NACA: variants seen among roughly 807,000 people sequenced by gnomAD.
NACA encodes the protein nascent polypeptide associated complex subunit alpha.
A neutral mutation model predicts 86.4 loss-of-function variants in NACA; 42 were observed. That is an observed-to-expected ratio of 0.49 (90% CI 0.38 to 0.63). The LOEUF is 0.63. Among genes scored for constraint, NACA ranks in the 20% least tolerant of loss-of-function variants. The pLI is 0.00. For synonymous variants in NACA, 898 were observed against 973.7 expected (o/e 0.92, Z 1.45); for missense variants, 2,157 against 2,483.6 (o/e 0.87, Z 2.80).
In NACA at chr12:56,716,099, G is replaced by A; in HGVS notation, c.5431C>T (p.Pro1811Ser). 1 of 1,613,458 alleles carries A rather than the reference G, an allele frequency of 6.2e-7. No homozygotes were observed. Among genetic ancestry groups the A allele is most frequent in the South Asian group, 1.1e-5 (1 of 91,058 alleles). The change falls in exon 3 of 9, where the codon CCT becomes TCT. Residue 1811 changes from proline (P) to serine (S), a missense_variant. Pro to Ser is a moderately conservative substitution (Grantham distance 74). Around this residue, in one of 8 missense-constraint regions of NACA, gnomAD observed 797 missense variants for 777.6 expected, o/e 1.02. Transcript: ENST00000454682. ...PLAPSPVPTL[P>S]PKQQFLPSSP... ...GACGGCAGAAATTGCTGTTTAGGAG[G>A]CAGAGTGGGAACTGGGGAGGGAGCA...
chr12:56,716,889 G>A lies in NACA; in HGVS notation c.4641C>T (p.Ala1547=), dbSNP rs778097307. ...GAACAGTCATAGCTGGGGGAATGAG[G>A]GCCTCTTTGGGGGCTAGAGTTGCTG... ...KTPATLAPKE[A]LIPPAMTVPS... is the part of the protein sequence containing the mutation. Residue 1547 remains alanine (A), a synonymous_variant, in exon 3 of 9, where the codon GCC becomes GCT. Transcript: ENST00000454682. 4.6e-6 allele frequency: 6 copies of A among 1,299,966 alleles called. No homozygotes were observed. In the African/African-American group the frequency reaches 6.1e-5, roughly 13 times the overall value. 80.5% of individuals were successfully genotyped at this position (1,299,966 alleles called of 1,614,324 possible). A position where few individuals can be genotyped will look rare whatever the true frequency, so the allele number is the denominator to read the frequency against.
Position 56,716,046 on chromosome 12 carries a change from G to A in NACA, c.5484C>T (p.Pro1828=), listed in dbSNP as rs138803259. The A allele has an allele frequency of 1.9e-6, 3 of 1,610,456 alleles. No homozygotes were observed. Among genetic ancestry groups the A allele is most frequent in the African/African-American group, 1.3e-5 (1 of 74,874 alleles). ...PSSPGLVLES[P]SKPLAPADED... is the part of the protein sequence containing the mutation. ...CATCAGCAGGGGCAAGGGGTTTAGA[G>A]GGTGATTCCAACACCAGCCCAGGAG... Residue 1828 remains proline (P), a synonymous_variant, in exon 3 of 9, where the codon CCC becomes CCT. Coordinates refer to ENST00000454682, the MANE Select transcript of NACA (RefSeq NM_001365896.1).
In NACA at chr12:56,721,155, T is replaced by C. The variant is rs1953564560; in HGVS notation, c.375A>G (p.Pro125=). The change falls in exon 3 of 9, where the codon CCA becomes CCG. Residue 125 remains proline (P), a synonymous_variant. Coordinates refer to ENST00000454682, the MANE Select transcript of NACA (RefSeq NM_001365896.1). The part of the protein sequence containing the change: ...ALALASPMIA[P]TLKGTPSSSA... ...AAGAGGAAGGGGTCCCTTTCAGAGT[T>C]GGAGCTATCATGGGAGAGGCTAGAG... The C allele has an allele frequency of 6.2e-7, 1 of 1,613,832 alleles. No homozygotes were observed. Among genetic ancestry groups the C allele is most frequent in the East Asian group, 2.2e-5 (1 of 44,870 alleles).
rs755839505 is a variant in NACA, at chr12:56,718,813, T to C, written c.2717A>G (p.Lys906Arg). The change falls in exon 3 of 9, where the codon AAA becomes AGA. Residue 906 changes from lysine to arginine, a missense_variant. Lys to Arg is a conservative substitution (Grantham distance 26, BLOSUM62 2). This residue lies in a region of NACA where 174 missense variants were observed against 217.0 expected (regional missense o/e 0.80). Transcript: ENST00000454682. Reference protein sequence around the residue: ...PKEGPATPAPKQAPALSMTSS... With the variant: ...PKEGPATPAPRQAPALSMTSS... The stretch of plus-strand genomic sequence containing the variant: ...AGTCATGGATAGAGCAGGAGCCTGT[T>C]TGGGTGCTGGAGTAGCTGGACCCTC... The C allele has an allele frequency of 6.9e-7, 1 of 1,443,242 alleles. No homozygotes were observed. The highest frequency in any genetic ancestry group is 1.1e-5 in the South Asian group (1 of 88,536). The allele number at this position is 1,443,242 out of a possible 1,614,324, so 89.4% of individuals were successfully genotyped here.
Position 56,720,170 on chromosome 12 carries a change from T to G in NACA, c.1360A>C (p.Thr454Pro). ...TNPCTIAAAPTTTFEVATCVS... is the reference protein window; with the variant it reads ...TNPCTIAAAPPTTFEVATCVS... ...CAAGTAGCTACCTCAAAGGTAGTAG[T>G]AGGTGCTGCAGCAATTGTACAGGGG... The change falls in exon 3 of 9, where the codon ACT becomes CCT. Residue 454 changes from threonine (T) to proline (P), a missense_variant. This residue lies in a region of NACA where 947 missense variants were observed against 917.9 expected (regional missense o/e 1.03). Transcript: ENST00000454682. 1 of 1,613,836 alleles carries G rather than the reference T, an allele frequency of 6.2e-7. No homozygotes were observed. The highest frequency in any genetic ancestry group is 8.5e-7 in the Non-Finnish European group (1 of 1,179,854).
At position 56,713,143 on chromosome 12, in the gene NACA, G is replaced by A; in HGVS notation, c.6018C>T (p.Phe2006=). 1.2e-6 allele frequency: 2 copies of A among 1,614,050 alleles called. No homozygotes were observed. Among genetic ancestry groups the A allele is most frequent in the Middle Eastern group, 1.7e-4 (1 of 6,034 alleles). The change falls in exon 7 of 9, where the codon TTC becomes TTT. Residue 2006 remains phenylalanine, a synonymous_variant. Coordinates refer to ENST00000454682, the MANE Select transcript of NACA (RefSeq NM_001365896.1). ...TTGAGACAGCTTCACCTTGAACTTT[G>A]AATTTCTCAGCAGCTGCTAGTTGTG... ...QQAQLAAAEK[F]KVQGEAVSNI...
intron 2 of NACA, among the ~76,000 whole-genome samples, chr12:56,723,658 C>A (rs1953632799): frequency 6.6e-6 from 1 of 152,078 alleles, no homozygotes; most frequent in African/African-American, 2.4e-5. Context: ...CCTTAAATAA[C>A]AAATGAAATT....
Position 56,716,602 on chromosome 12 carries a change from G to A in NACA, c.4928C>T (p.Thr1643Ile). The change falls in exon 3 of 9, where the codon ACT (threonine) becomes ATT (isoleucine). Residue 1643 changes from threonine (T) to isoleucine (I), a missense_variant. Physicochemically the swap from Thr to Ile is moderately conservative, Grantham distance 89. This residue lies in a region of NACA where 797 missense variants were observed against 777.6 expected (regional missense o/e 1.02). Transcript: ENST00000454682. ...PKGTPTSPPV[T>I]PSSLKDSPTS... is the part of the protein sequence containing the mutation. ...AGGGGAGTCTTTGAGGGAGGAAGGA[G>A]TCACAGGTGGGGAAGTGGGAGTCCC... is the stretch of plus-strand genomic sequence containing the variant. 1.4e-6 allele frequency: 2 copies of A among 1,451,964 alleles called. No individual in the cohort carries two copies. Among genetic ancestry groups the A allele is most frequent in the Non-Finnish European group, 1.9e-6 (2 of 1,074,720 alleles). 89.9% of individuals were successfully genotyped at this position (1,451,964 alleles called of 1,614,324 possible).
chr12:56,713,579 C>G lies in NACA; in HGVS notation c.5928G>C (p.Lys1976Asn). The G allele has an allele frequency of 1.9e-6, 3 of 1,613,974 alleles. No individual in the cohort carries two copies. Among genetic ancestry groups the G allele is most frequent in the Non-Finnish European group, 2.5e-6 (3 of 1,179,900 alleles). The change falls in exon 6 of 9, where the codon AAG becomes AAC. Residue 1976 changes from lysine to asparagine, a missense_variant. Lys to Asn is a moderately conservative substitution (Grantham distance 94). This residue lies in a region of NACA where 81 missense variants were observed against 200.6 expected (regional missense o/e 0.40). Coordinates refer to ENST00000454682, the MANE Select transcript of NACA (RefSeq NM_001365896.1). ...LFVITKPDVY[K>N]SPASDTYIVF... ...CTATGTAAGTATCTGAAGCAGGGCT[C>G]TTGTAGACATCTGGTTTTGTGATGA...
Position 56,712,444 on chromosome 12 carries a change from A to C in NACA, c.*94T>G. 7.6e-7 allele frequency: 1 copy of C among 1,310,038 alleles called. No individual in the cohort carries two copies. The highest frequency in any genetic ancestry group is 1.1e-6 in the Non-Finnish European group (1 of 927,226). 81.2% of individuals were successfully genotyped at this position (1,310,038 alleles called of 1,614,324 possible). ...TCACCGACTGAATTCATCCAACAAG[A>C]AGCCATAACTTTATTTATGATAGAA... On this transcript the variant is annotated 3_prime_UTR_variant, in exon 9 of 9. Transcript: ENST00000454682.
In NACA at chr12:56,720,536, A is replaced by G; in HGVS notation, c.994T>C (p.Ser332Pro). ...GAAATGGTCTTCACTGTAGGGTCTG[A>G]CAAAGCACTAGGACCTGTTTGACCT... ...LLGQTGPSAL[S>P]DPTVKTISVD... is the part of the protein sequence containing the mutation. Residue 332 changes from serine (S) to proline (P), a missense_variant, in exon 3 of 9, where the codon TCA becomes CCA. Transcript: ENST00000454682. 6.2e-7 allele frequency: 1 copy of G among 1,613,958 alleles called. No homozygotes were observed. The highest frequency in any genetic ancestry group is 8.5e-7 in the Non-Finnish European group (1 of 1,179,836).
In NACA at chr12:56,719,143, G is replaced by A. The variant is rs757622166; in HGVS notation, c.2387C>T (p.Pro796Leu). 11 of 1,460,314 alleles carry A rather than the reference G, an allele frequency of 7.5e-6. No homozygotes were observed. In the East Asian group the frequency reaches 3.0e-4, roughly 39 times the overall value. 90.5% of individuals were successfully genotyped at this position (1,460,314 alleles called of 1,614,324 possible). The change falls in exon 3 of 9, where the codon CCT becomes CTT. Residue 796 changes from proline to leucine, a missense_variant. Around this residue, in one of 8 missense-constraint regions of NACA, gnomAD observed 174 missense variants for 217.0 expected, o/e 0.80. Coordinates refer to ENST00000454682, the MANE Select transcript of NACA (RefSeq NM_001365896.1). ...TLTYLADSPS[P>L]LGVSVSPQTK... ...CTGAGGAGACACACTAACCCCTAAA[G>A]GAGATGGGGAATCAGCTAGGTAAGT...
rs762712521 is a variant in NACA at position 56,716,746 on chromosome 12, G to T, written c.4784C>A (p.Ser1595Tyr). The T allele has an allele frequency of 7.2e-7, 1 of 1,385,452 alleles. No individual in the cohort carries two copies. Among genetic ancestry groups the T allele is most frequent in the Admixed American group, 2.3e-5 (1 of 42,856 alleles). 85.8% of individuals were successfully genotyped at this position (1,385,452 alleles called of 1,614,324 possible). A position where few individuals can be genotyped will look rare whatever the true frequency, so the allele number is the denominator to read the frequency against. Residue 1595 changes from serine (S) to tyrosine (Y), a missense_variant, in exon 3 of 9, where the codon TCC becomes TAC. Coordinates refer to ENST00000454682, the MANE Select transcript of NACA (RefSeq NM_001365896.1). ...VTPSTYKGAP[S>Y]PKELLIPPAV... Reference sequence around the variant, plus strand: ...TGGTGGAATGAGGAGCTCTTTGGGGGATGGGGCCCCTTTGTAAGTGGAAGG... The same window carrying T: ...TGGTGGAATGAGGAGCTCTTTGGGGTATGGGGCCCCTTTGTAAGTGGAAGG...
Position 56,720,741 on chromosome 12 carries a change from G to A in NACA, c.789C>T (p.Ser263=). ...GACTAACAGGCCCCTTCAGGCTGAG[G>A]CTTCCTGGGTTTTGTGGAGAAATCA... ...SVLISPQNPG[S]LSLKGPVSPP... is the part of the protein sequence containing the mutation. The change falls in exon 3 of 9, where the codon AGC becomes AGT. Residue 263 remains serine (S), a synonymous_variant. Transcript: ENST00000454682. 1.2e-6 allele frequency: 2 copies of A among 1,613,998 alleles called. No individual in the cohort carries two copies. The highest frequency in any genetic ancestry group is 1.7e-6 in the Non-Finnish European group (2 of 1,179,892).
rs143298780 is a variant in NACA, at chr12:56,714,647, C to T, written c.5700G>A (p.Glu1900=). 6.2e-6 allele frequency: 10 copies of T among 1,614,064 alleles called. No individual in the cohort carries two copies. The highest frequency in any genetic ancestry group is 5.3e-5 in the African/African-American group (4 of 74,926). ...TESDSDESVP[E]LEEQDSTQAT... is the part of the protein sequence containing the mutation. ...CCTGGGTGGAATCCTGTTCTTCAAGCTCTGGTACTGATTCATCACTGTCAG... is the reference window on the plus strand; with the variant it reads ...CCTGGGTGGAATCCTGTTCTTCAAGTTCTGGTACTGATTCATCACTGTCAG... Residue 1900 remains glutamate, a synonymous_variant, in exon 4 of 9, where the codon GAG becomes GAA. Transcript: ENST00000454682.
Position 56,720,800 on chromosome 12 carries a change from G to A in NACA, c.730C>T (p.Pro244Ser), listed in dbSNP as rs1024526583. 1 of 1,613,992 alleles carries A rather than the reference G, an allele frequency of 6.2e-7. No individual in the cohort carries two copies. Among genetic ancestry groups the A allele is most frequent in the Non-Finnish European group, 8.5e-7 (1 of 1,179,892 alleles). The stretch of plus-strand genomic sequence containing the variant: ...GAAATGGTGGTATCTTTGACTTGAG[G>A]GGAAGCGATGGCTAGGGTAGTTGTG... Reference protein sequence around the residue: ...TPTTTLAIASPQVKDTTISSV... With the variant: ...TPTTTLAIASSQVKDTTISSV... The change falls in exon 3 of 9, where the codon CCT becomes TCT. Residue 244 changes from proline (P) to serine (S), a missense_variant. Physicochemically the swap from Pro to Ser is moderately conservative, Grantham distance 74 (BLOSUM62 -1). Around this residue, in one of 8 missense-constraint regions of NACA, gnomAD observed 947 missense variants for 917.9 expected, o/e 1.03. Coordinates refer to ENST00000454682, the MANE Select transcript of NACA (RefSeq NM_001365896.1).
chr12:56,713,838 GTTACT>G, intron 5 of NACA, 155 bp from the exon 6 acceptor site: 1 of 779,680 alleles, frequency 1.3e-6, no homozygotes. Flanking sequence ...AGTAACTTCT[GTTACT>G]TTATTTTTTA....
At chr12:56,714,890 C>A in intron 3 of NACA, 1 of 576,612 alleles carries the variant, frequency 1.7e-6, no homozygotes. Context: ...AAAGACCCAG[C>A]CCTAACCCCA....
chr12:56,718,534 C>T lies in NACA; in HGVS notation c.2996G>A (p.Gly999Asp). 3.3e-6 allele frequency: 4 copies of T among 1,207,892 alleles called. No individual in the cohort carries two copies. The highest frequency in any genetic ancestry group is 4.2e-6 in the Non-Finnish European group (4 of 957,360). 74.8% of individuals were successfully genotyped at this position (1,207,892 alleles called of 1,614,324 possible). A position where few individuals can be genotyped will look rare whatever the true frequency, so the allele number is the denominator to read the frequency against. Reference sequence around the variant, plus strand: ...CCCTTTGGGGGATGGAGTAGCTGGACCTCCTTTGGGGGAGGGAGGAGTTGC... The same window carrying T: ...CCCTTTGGGGGATGGAGTAGCTGGATCTCCTTTGGGGGAGGGAGGAGTTGC... Reference protein sequence around the residue: ...PAATPPSPKGGPATPSPKGAP... With the variant: ...PAATPPSPKGDPATPSPKGAP... The change falls in exon 3 of 9, where the codon GGT becomes GAT. Residue 999 changes from glycine to aspartate, a missense_variant. Physicochemically the swap from Gly to Asp is moderately conservative, Grantham distance 94 (BLOSUM62 -1). Transcript: ENST00000454682.
Sources: gnomAD v4.1 joint callset for allele counts (sites outside exome capture counted in the v4.1 genomes callset) on GRCh38, gnomAD v4.1.1 for gene constraint, gnomAD v4.1.1 regional missense constraint, MANE v1.5 for transcripts, NCBI Gene and HGNC (gene_info 2026-07-23, HGNC 2026-07-21) for gene names.